Variants in FHIP1A observed in about 807,000 individuals in gnomAD.
The protein encoded by FHIP1A is FHF complex subunit HOOK-interacting protein 1A.
Under a neutral mutation model 88.6 loss-of-function variants are expected in FHIP1A, and 61 were observed. The ratio of observed to expected loss-of-function variants is 0.69; its 90% CI spans 0.56 to 0.85. The LOEUF (loss-of-function observed/expected upper bound fraction) is 0.85. FHIP1A is among the 40% of genes least tolerant of loss of function. FHIP1A has a pLI of 0.00. For synonymous variants in FHIP1A, 478 were observed against 496.0 expected, an observed-to-expected ratio of 0.96 and a Z score of 0.48; for missense variants, 1,154 against 1,273.5, an observed-to-expected ratio of 0.91 and a Z score of 1.43.
chr4:151,469,396 T>A (rs1360797596), intron 2 of FHIP1A, among the ~76,000 whole-genome samples: 1 of 152,206 alleles, frequency 6.6e-6, no homozygotes, highest in African/African-American at 2.4e-5. Flanking sequence ...TCCAGTAATT[T>A]CAGGTATAGC....
In FHIP1A at chr4:151,665,269, G is replaced by C. The variant is rs1737620599; in HGVS notation, c.*2515G>C. On this transcript the variant is annotated 3_prime_UTR_variant, in exon 14 of 14. Coordinates refer to ENST00000435205, the MANE Select transcript of FHIP1A (RefSeq NM_001109977.3). ...TGGGATTACAGGTGTGAGCCACTGGGTCCAGCCTGAAGTAGACTTACTTTA... is the reference window on the plus strand; with the variant it reads ...TGGGATTACAGGTGTGAGCCACTGGCTCCAGCCTGAAGTAGACTTACTTTA... Among the ~76,000 whole-genome samples the C allele has an allele frequency of 6.6e-6, 1 of 152,210 alleles. No homozygotes were observed. Among genetic ancestry groups the C allele is most frequent in the Admixed American group, 6.5e-5 (1 of 15,286 alleles).
At chr4:151,478,325 T>A (rs1158597930) in intron 2 of FHIP1A, among the ~76,000 whole-genome samples, 1 of 152,174 alleles carries the variant, frequency 6.6e-6, no homozygotes, top group African/African-American at 2.4e-5. Context: ...GAAAGCTAAC[T>A]TGGTGGCTGA....
rs145320483 is a variant in FHIP1A at position 151,654,254 on chromosome 4, C to T, written c.2552-1978C>T. Among the ~76,000 whole-genome samples the T allele has an allele frequency of 1.2e-3, 177 of 152,186 alleles. 1 individual carries two copies. The highest frequency in any genetic ancestry group is 4.1e-3 in the African/African-American group (171 of 41,512). ...TACTGGCCTTGACCTAATGATATTCCGTCATTCACCTAGGTCAGTGATGAC... is the reference window on the plus strand; with the variant it reads ...TACTGGCCTTGACCTAATGATATTCTGTCATTCACCTAGGTCAGTGATGAC... On this transcript the variant is annotated intron_variant, in intron 11 of 13. Transcript: ENST00000435205.
intron 1 of FHIP1A, among the ~76,000 whole-genome samples, chr4:151,444,102 G>GT (rs1426398729): frequency 1.3e-5 from 2 of 151,192 alleles, no homozygotes; most frequent in Admixed American, 1.3e-4. Flanking sequence ...GCTTTCCCCC[G>GT]TTTCGTCTGT....
At chr4:151,429,470 G>T (rs1733509982) in intron 1 of FHIP1A, among the ~76,000 whole-genome samples, 1 of 152,166 alleles carries the variant, frequency 6.6e-6, no homozygotes, top group Non-Finnish European at 1.5e-5. Flanking sequence ...AGCTGCTGTT[G>T]TTAGAAAGGA....
intron 7 of FHIP1A, among the ~76,000 whole-genome samples, chr4:151,607,728 TA>T (rs1487056240): frequency 6.6e-6 from 1 of 152,178 alleles, no homozygotes; most frequent in Non-Finnish European, 1.5e-5. Flanking sequence ...ATACCTACCT[TA>T]TCGGGCTTTT....
chr4:151,548,872 A>G (rs1732611267), intron 3 of FHIP1A, among the ~76,000 whole-genome samples: 2 of 152,280 alleles, frequency 1.3e-5, no homozygotes, highest in Admixed American at 1.3e-4. Context: ...GCACTCGAAC[A>G]TAAATTTAAT....
intron 4 of FHIP1A, among the ~76,000 whole-genome samples, chr4:151,568,349 G>C (rs1733470664): frequency 6.6e-6 from 1 of 152,138 alleles, no homozygotes; most frequent in African/African-American, 2.4e-5. Flanking sequence ...GACACTCATG[G>C]TCTTACTGTT....
chr4:151,613,584 T>C (rs987270471), intron 7 of FHIP1A, among the ~76,000 whole-genome samples: 1 of 152,096 alleles, frequency 6.6e-6, no homozygotes, highest in Non-Finnish European at 1.5e-5. Context: ...AAAACTAGGT[T>C]ACAAAAAAAA....
chr4:151,438,832 TG>T (rs1728304473), intron 1 of FHIP1A, among the ~76,000 whole-genome samples: 1 of 151,886 alleles, frequency 6.6e-6, no homozygotes, highest in African/African-American at 2.4e-5. Flanking sequence ...TTGTAGAGAA[TG>T]GGGTCTTGCT....
intron 11 of FHIP1A, among the ~76,000 whole-genome samples, chr4:151,651,954 T>C (rs569388354): frequency 6.6e-6 from 1 of 152,298 alleles, no homozygotes; most frequent in South Asian, 2.1e-4. Context: ...CTTTTCCCAG[T>C]TGATAAGGGG....
chr4:151,651,397 A>G (rs553146487), intron 11 of FHIP1A, among the ~76,000 whole-genome samples: 31 of 152,344 alleles, frequency 2.0e-4, no homozygotes, highest in Admixed American at 1.4e-3. Flanking sequence ...GAGAGGGCTC[A>G]CTAAGCTCAG....
At chr4:151,499,041 C>T (rs998077003) in intron 3 of FHIP1A, among the ~76,000 whole-genome samples, 4 of 152,184 alleles carry the variant, frequency 2.6e-5, no homozygotes, top group Non-Finnish European at 5.9e-5. Flanking sequence ...TATATCTGCC[C>T]TGGTTCTCAT....
At chr4:151,428,845 A>G (rs190540520) in intron 1 of FHIP1A, among the ~76,000 whole-genome samples, 110 of 152,086 alleles carry the variant, frequency 7.2e-4, no homozygotes, top group African/African-American at 2.3e-3. Context: ...CCCCTCCCAC[A>G]TCATCTTTAT....
intron 3 of FHIP1A, among the ~76,000 whole-genome samples, chr4:151,529,337 G>A (rs760563788): frequency 3.9e-5 from 6 of 152,188 alleles, no homozygotes; most frequent in East Asian, 3.9e-4. Flanking sequence ...GGAGTCCGCC[G>A]TTATTGTAGC....
At chr4:151,563,898 C>T (rs767896426) in intron 3 of FHIP1A, among the ~76,000 whole-genome samples, 17 of 152,010 alleles carry the variant, frequency 1.1e-4, no homozygotes, top group Non-Finnish European at 1.8e-4. Context: ...GAGGCTGAGG[C>T]GGGAGGATTG....
At chr4:151,505,130 G>A (rs1006678264) in intron 3 of FHIP1A, among the ~76,000 whole-genome samples, 4 of 152,076 alleles carry the variant, frequency 2.6e-5, no homozygotes, top group Non-Finnish European at 5.9e-5. Flanking sequence ...TCCTAAAAAC[G>A]TAAATGTCTT....
chr4:151,450,669 CTT>C (rs1457631749), intron 1 of FHIP1A, among the ~76,000 whole-genome samples: 2 of 152,118 alleles, frequency 1.3e-5, no homozygotes, highest in East Asian at 3.8e-4. Context: ...CAACAAATGT[CTT>C]TAAGATTTTT....
chr4:151,528,084 C>G (rs2126707772), intron 3 of FHIP1A, among the ~76,000 whole-genome samples: 1 of 152,302 alleles, frequency 6.6e-6, no homozygotes, highest in South Asian at 2.1e-4. Context: ...TCTGCTTCTC[C>G]CCACCTCTGT....
Sources: allele counts gnomAD v4.1 joint callset (sites outside exome capture counted in the v4.1 genomes callset), GRCh38; gene constraint gnomAD v4.1.1; transcripts MANE v1.5; gene names NCBI Gene and HGNC (gene_info 2026-07-23, HGNC 2026-07-21).